SLC38A11: variants seen among roughly 807,000 people sequenced by gnomAD.
The protein encoded by SLC38A11 is putative sodium-coupled neutral amino acid transporter 11.
Under a neutral mutation model 49.4 loss-of-function variants are expected in SLC38A11, and 51 were observed. That is an observed-to-expected ratio of 1.03 (90% CI 0.83 to 1.30). SLC38A11 has a LOEUF of 1.30. Ranked by LOEUF, SLC38A11 falls within the 50% of genes most tolerant of loss-of-function variation. SLC38A11 has a pLI of 0.00. For missense variants in SLC38A11, 574 were observed against 556.2 expected, an observed-to-expected ratio of 1.03 and a Z score of -0.32; for synonymous variants, 203 against 192.9, an observed-to-expected ratio of 1.05 and a Z score of -0.43.
intron 3 of SLC38A11, among the ~76,000 whole-genome samples, chr2:164,949,624 C>T (rs987877915): frequency 1.3e-5 from 2 of 152,174 alleles, no homozygotes; most frequent in African/African-American, 2.4e-5. Flanking sequence ...AATTCTACTT[C>T]CTTTGCTTAA....
chr2:164,911,986 G>A (rs183592811), intron 9 of SLC38A11: 1 of 288,362 alleles, frequency 3.5e-6, no homozygotes, highest in African/African-American at 2.2e-5. Flanking sequence ...TATAGCCTAG[G>A]AGCAATAAGC....
At chr2:164,937,596 A>G in intron 6 of SLC38A11, 167 bp from the exon 7 acceptor site, 1 of 546,484 alleles carries the variant, frequency 1.8e-6, no homozygotes, top group South Asian at 2.1e-5. Context: ...CAGGCAGGTA[A>G]CTTCTTATCA....
rs1161101660 is a variant in SLC38A11, at chr2:164,944,647, TTAAAA to T, written c.365-18_365-14del. On this transcript the variant is annotated splice_polypyrimidine_tract_variant and intron_variant, in intron 4 of 11. Transcript: ENST00000685975. Reference sequence around the variant, plus strand: ...TAACTTATCATTGCTAAAAACATAATTAAAATAAGAGTCATCAATAAGCCATCTCA... The same window carrying T: ...TAACTTATCATTGCTAAAAACATAATTAAGAGTCATCAATAAGCCATCTCA... 1.8e-6 allele frequency: 2 copies of T among 1,136,846 alleles called. No homozygotes were observed. Among genetic ancestry groups the T allele is most frequent in the African/African-American group, 1.6e-5 (1 of 62,708 alleles). The allele number at this position is 1,136,846 out of a possible 1,614,324, so 70.4% of individuals were successfully genotyped here. A position where few individuals can be genotyped will look rare whatever the true frequency, so the allele number is the denominator to read the frequency against.
rs577016583 is a variant in SLC38A11 at position 164,894,992 on chromosome 2, G to T, written c.*3445C>A. ...TTTTTCAAACGTGGTCCCTGAACCA[G>T]CAGCAGCAGCATCACCTGGGAACTT... is the stretch of plus-strand genomic sequence containing the variant. On this transcript the variant is annotated 3_prime_UTR_variant, in exon 12 of 12. Coordinates refer to ENST00000685975, the MANE Select transcript of SLC38A11 (RefSeq NM_001351537.2). 1.3e-5 allele frequency among the ~76,000 whole-genome samples: 2 copies of T among 152,220 alleles called. No homozygotes were observed. The highest frequency in any genetic ancestry group is 3.9e-4 in the East Asian group (2 of 5,172).
chr2:164,953,107 TA>T (rs1688633653), intron 2 of SLC38A11: 1 of 251,726 alleles, frequency 4.0e-6, no homozygotes, highest in Non-Finnish European at 7.5e-6. Flanking sequence ...AGCCCTGCAA[TA>T]TGTGGAAAGT....
intron 5 of SLC38A11, among the ~76,000 whole-genome samples, chr2:164,940,404 G>A (rs1424446666): frequency 6.6e-6 from 1 of 151,024 alleles, no homozygotes; most frequent in African/African-American, 2.4e-5. Flanking sequence ...TTTCAATGAA[G>A]ACGCTATTGT....
Position 164,894,564 on chromosome 2 carries a change from A to G in SLC38A11, c.*3873T>C, listed in dbSNP as rs1454778147. On this transcript the variant is annotated 3_prime_UTR_variant, in exon 12 of 12. Transcript: ENST00000685975. ...CTTGGTGTTCTTTTGAGAAACTGAT[A>G]TATTTTCTTCATTCTCACAATGGCA... Among the ~76,000 whole-genome samples, 1 of 152,100 alleles carries G rather than the reference A, an allele frequency of 6.6e-6. No homozygotes were observed. Among genetic ancestry groups the G allele is most frequent in the Non-Finnish European group, 1.5e-5 (1 of 68,014 alleles).
intron 11 of SLC38A11, among the ~76,000 whole-genome samples, chr2:164,905,901 A>G (rs575274848): frequency 1.3e-5 from 2 of 152,278 alleles, no homozygotes; most frequent in East Asian, 3.9e-4. Context: ...TTATTCTTTA[A>G]TACCAGAATT....
intron 7 of SLC38A11, among the ~76,000 whole-genome samples, chr2:164,919,707 A>G (rs543586707): frequency 6.6e-6 from 1 of 152,216 alleles, no homozygotes. Flanking sequence ...TACAATATCT[A>G]ATACAATGTA....
chr2:164,920,441 T>G (rs528510727), intron 7 of SLC38A11, among the ~76,000 whole-genome samples: 1 of 152,178 alleles, frequency 6.6e-6, no homozygotes. Flanking sequence ...ATGGGCCACA[T>G]AAGTTTATCT....
In SLC38A11 at chr2:164,908,664, G is replaced by A. The variant is rs774637923; in HGVS notation, c.1071C>T (p.Cys357=). ...VATLVSLLID[C]LGIVLELNGV... Reference sequence around the variant, plus strand: ...CATTGAGTTCTAGAACTATCCCGAGGCAATCAATCAGCAATGACACAAGCG... The same window carrying A: ...CATTGAGTTCTAGAACTATCCCGAGACAATCAATCAGCAATGACACAAGCG... The change falls in exon 11 of 12, where the codon TGC becomes TGT. Residue 357 remains cysteine, a synonymous_variant. Coordinates refer to ENST00000685975, the MANE Select transcript of SLC38A11 (RefSeq NM_001351537.2). The A allele has an allele frequency of 5.6e-6, 9 of 1,603,566 alleles. No individual in the cohort carries two copies. Among genetic ancestry groups the A allele is most frequent in the Non-Finnish European group, 7.7e-6 (9 of 1,174,222 alleles).
intron 7 of SLC38A11, among the ~76,000 whole-genome samples, chr2:164,926,202 G>A (rs140412263): frequency 5.7e-4 from 87 of 152,186 alleles, no homozygotes; most frequent in South Asian, 1.2e-3. Flanking sequence ...ATTGAGACTC[G>A]ATCTAGTTAC....
At chr2:164,950,570 T>G (rs1347605363) in intron 3 of SLC38A11, among the ~76,000 whole-genome samples, 3 of 152,200 alleles carry the variant, frequency 2.0e-5, no homozygotes, top group African/African-American at 7.2e-5. Context: ...TGCAACCTTT[T>G]TAAAAATTCA....
intron 7 of SLC38A11, among the ~76,000 whole-genome samples, chr2:164,936,559 C>T (rs1416217419): frequency 6.6e-6 from 1 of 152,032 alleles, no homozygotes; most frequent in Non-Finnish European, 1.5e-5. Flanking sequence ...TTAAGGTATC[C>T]TGGAAACTCT....
intron 11 of SLC38A11, among the ~76,000 whole-genome samples, chr2:164,908,246 T>G (rs993717013): frequency 3.3e-5 from 5 of 152,144 alleles, no homozygotes; most frequent in Non-Finnish European, 7.4e-5. Flanking sequence ...TTTAGTAACA[T>G]TTATGTGTTA....
chr2:164,931,241 CAAAA>C (rs71028455), intron 7 of SLC38A11, among the ~76,000 whole-genome samples: 1 of 74,780 alleles, frequency 1.3e-5, no homozygotes, highest in African/African-American at 5.5e-5. Context: ...TGATCCCCCA[CAAAA>C]AAAAAAAAAA....
intron 5 of SLC38A11, among the ~76,000 whole-genome samples, chr2:164,939,994 G>GTTTTT (rs10707733): frequency 7.3e-6 from 1 of 137,284 alleles, no homozygotes; most frequent in African/African-American, 2.7e-5. Flanking sequence ...ATTTTCTAAG[G>GTTTTT]TTTTTTTTTT....
At position 164,950,352 on chromosome 2, in the gene SLC38A11, G is replaced by A. The variant is rs530395560; in HGVS notation, c.229+2355C>T. On this transcript the variant is annotated intron_variant, in intron 3 of 11. Coordinates refer to ENST00000685975, the MANE Select transcript of SLC38A11 (RefSeq NM_001351537.2). ...TGGTATGAAGGCTTGCTGAAGAAGGGTATGGTTGGGATGAGAACACTGAGC... is the reference window on the plus strand; with the variant it reads ...TGGTATGAAGGCTTGCTGAAGAAGGATATGGTTGGGATGAGAACACTGAGC... 3.3e-5 allele frequency among the ~76,000 whole-genome samples: 5 copies of A among 152,276 alleles called. No individual in the cohort carries two copies. In the South Asian group the frequency reaches 1.0e-3, roughly 32 times the overall value.
At chr2:164,915,779 T>C (rs1685737083) in intron 8 of SLC38A11, 124 bp downstream of exon 8, 1 of 667,712 alleles carries the variant, frequency 1.5e-6, no homozygotes, top group East Asian at 2.5e-5. Context: ...CTAGATCATA[T>C]GCTGCTAATA....
Sources: gnomAD v4.1 joint callset for allele counts (sites outside exome capture counted in the v4.1 genomes callset) on GRCh38, gnomAD v4.1.1 for gene constraint, MANE v1.5 for transcripts, NCBI Gene and HGNC (gene_info 2026-07-23, HGNC 2026-07-21) for gene names.